TBX6: variants seen among roughly 807,000 people sequenced by gnomAD.
TBX6 encodes T-box transcription factor TBX6.
TBX6 carries 29 observed loss-of-function variants against 42.3 expected under a neutral mutation model. The observed-to-expected ratio is 0.69, with a 90% confidence interval of 0.51 to 0.93. TBX6 has a LOEUF of 0.93. Among genes scored for constraint, TBX6 ranks in the 40% least tolerant of loss-of-function variants. TBX6 has a pLI of 0.00. For missense variants in TBX6, 569 were observed against 603.3 expected (o/e 0.94, Z 0.59); for synonymous variants, 249 against 245.1 (o/e 1.02, Z -0.15).
chr16:30,086,621 G>C lies in TBX6; in HGVS notation c.988C>G (p.Pro330Ala). ...GCCGGGGCAGCGGTGGCTTCCCCGGGGGCTGGGGCCTGTTCTGGATCTGAT... is the reference window on the plus strand; with the variant it reads ...GCCGGGGCAGCGGTGGCTTCCCCGGCGGCTGGGGCCTGTTCTGGATCTGAT... ...RESDPEQAPA[P>A]GEATAAPAPL... The change falls in exon 8 of 9, where the codon CCC becomes GCC. Residue 330 changes from proline to alanine, a missense_variant. Pro to Ala is a conservative substitution (Grantham distance 27, BLOSUM62 -1). Coordinates refer to ENST00000395224, the MANE Select transcript of TBX6 (RefSeq NM_004608.4). This position sits in a 1 kb window ranked among gnomAD's most constrained non-coding sequence, Gnocchi z 4.6. 4 of 1,596,752 alleles carry C rather than the reference G, an allele frequency of 2.5e-6. No individual in the cohort carries two copies. Among genetic ancestry groups the C allele is most frequent in the Non-Finnish European group, 2.6e-6 (3 of 1,173,902 alleles).
chr16:30,089,303 A>T, intron 3 of TBX6, 93 bp from the exon 4 acceptor site: 3 of 1,476,324 alleles, frequency 2.0e-6, no homozygotes, highest in Non-Finnish European at 2.7e-6. Flanking sequence ...CGGGCTCCCC[A>T]GAGCTGTCAG....
chr16:30,086,010 A>AAGCCT lies in TBX6; in HGVS notation c.*214_*215insAGGCT. The AAGCCT allele has an allele frequency of 1.8e-6, 1 of 541,406 alleles. No individual in the cohort carries two copies. Among genetic ancestry groups the AAGCCT allele is most frequent in the Non-Finnish European group, 3.2e-6 (1 of 310,700 alleles). 33.5% of individuals were successfully genotyped at this position (541,406 alleles called of 1,614,324 possible). ...CACGGAGGTGAGAGCCGGGAAGGGG[A>AAGCCT]AGCCGGCCCCAGCTGGACTCCCAGC... On this transcript the variant is annotated 3_prime_UTR_variant, in exon 9 of 9. Coordinates refer to ENST00000395224, the MANE Select transcript of TBX6 (RefSeq NM_004608.4). The surrounding 1 kb of genome is among the most constrained non-coding windows in gnomAD (Gnocchi z 4.6).
chr16:30,089,573 T>C (rs1040871403), intron 3 of TBX6, among the ~76,000 whole-genome samples: 1 of 151,918 alleles, frequency 6.6e-6, no homozygotes, highest in Non-Finnish European at 1.5e-5. Flanking sequence ...AAGTCAAGAC[T>C]ACAGTGAGCC....
intron 3 of TBX6, 64 bp downstream of exon 3, chr16:30,090,694 C>A: frequency 3.3e-6 from 5 of 1,518,098 alleles, no homozygotes; most frequent in South Asian, 1.3e-5. Context: ...TAGCCCCCTC[C>A]CCAGGGACTC....
chr16:30,088,492 G>A lies in TBX6; in HGVS notation c.839+53C>T, dbSNP rs188257188. 1,809 of 1,611,774 alleles carry A rather than the reference G, an allele frequency of 1.1e-3. 25 individuals are homozygous for A. In the African/African-American group the frequency reaches 0.022, roughly 19 times the overall value. On this transcript the variant is annotated intron_variant, in intron 6 of 8. Transcript: ENST00000395224. This position sits in a 1 kb window ranked among gnomAD's most constrained non-coding sequence, Gnocchi z 4.1. ...CAGCACGGTGCCTGGCACACAGTGAGTGATTAATAAACATTTGTTGAATGC... is the reference window on the plus strand; with the variant it reads ...CAGCACGGTGCCTGGCACACAGTGAATGATTAATAAACATTTGTTGAATGC...
chr16:30,088,187 C>T lies in TBX6; in HGVS notation c.839+358G>A. ...TCCTGGCCTCAGGTGATCTGCCCGCCTCAGCCTCCCAGAGTGCTGGGATTA... is the reference window on the plus strand; with the variant it reads ...TCCTGGCCTCAGGTGATCTGCCCGCTTCAGCCTCCCAGAGTGCTGGGATTA... On this transcript the variant is annotated intron_variant, in intron 6 of 8. Transcript: ENST00000395224. This position sits in a 1 kb window ranked among gnomAD's most constrained non-coding sequence, Gnocchi z 4.1. 1 of 307,488 alleles carries T rather than the reference C, an allele frequency of 3.3e-6. No individual in the cohort carries two copies. Among genetic ancestry groups the T allele is most frequent in the African/African-American group, 2.2e-5 (1 of 45,850 alleles). The allele number at this position is 307,488 out of a possible 1,614,324, so 19.0% of individuals were successfully genotyped here.
At position 30,091,150 on chromosome 16, in the gene TBX6, TA is replaced by T. The variant is rs753958620; in HGVS notation, c.43del (p.Tyr15ThrfsTer18). On this transcript the variant is annotated frameshift_variant, in exon 2 of 9. Coordinates refer to ENST00000395224, the MANE Select transcript of TBX6 (RefSeq NM_004608.4). LOFTEE classifies it high-confidence loss of function. ...CCCAGGTTGGGCGGGCCCCAGGCGG[TA>T]GCCGGCCCCCAGGGACGGGTACAAT... ...RELYPSLGAG[Y>X]RLGPAQPGAD... 1 of 1,595,226 alleles carries T rather than the reference TA, an allele frequency of 6.3e-7. No individual in the cohort carries two copies. The highest frequency in any genetic ancestry group is 1.8e-5 in the Admixed American group (1 of 56,270).
At position 30,088,663 on chromosome 16, in the gene TBX6, G is replaced by A; in HGVS notation, c.768+30C>T. ...AAAGCAACTGCGGTCTGGGCAGGGG[G>A]CCACCACCCCCTCAAGCAGGGTCAC... is the stretch of plus-strand genomic sequence containing the variant. On this transcript the variant is annotated intron_variant, in intron 5 of 8. Transcript: ENST00000395224. This position sits in a 1 kb window ranked among gnomAD's most constrained non-coding sequence, Gnocchi z 4.1. 1 of 1,614,110 alleles carries A rather than the reference G, an allele frequency of 6.2e-7. No homozygotes were observed. The highest frequency in any genetic ancestry group is 8.5e-7 in the Non-Finnish European group (1 of 1,180,006).
chr16:30,088,578 T>C lies in TBX6; in HGVS notation c.806A>G (p.Lys269Arg). 1.2e-6 allele frequency: 2 copies of C among 1,614,168 alleles called. No individual in the cohort carries two copies. Among genetic ancestry groups the C allele is most frequent in the Non-Finnish European group, 1.7e-6 (2 of 1,180,030 alleles). ...GTTTCTGCCGTTCTCCCGGAAGCCT[T>C]TGGCAAAGGGATTGGCTGCAATCTT... Reference protein sequence around the residue: ...QLKIAANPFAKGFRENGRNCK... With the variant: ...QLKIAANPFARGFRENGRNCK... The change falls in exon 6 of 9, where the codon AAA becomes AGA. Residue 269 changes from lysine to arginine, a missense_variant. Transcript: ENST00000395224. The surrounding 1 kb of genome is among the most constrained non-coding windows in gnomAD (Gnocchi z 4.1).
Position 30,086,088 on chromosome 16 carries a change from G to C in TBX6, c.*137C>G, listed in dbSNP as rs555375607. ...GGGGGTGGGAGTGAAATCAAGGTGT[G>C]AAGTTGAGGGGGTGGGTGGGCAGGC... On this transcript the variant is annotated 3_prime_UTR_variant, in exon 9 of 9. Transcript: ENST00000395224. The surrounding 1 kb of genome is among the most constrained non-coding windows in gnomAD (Gnocchi z 4.6). 1.3e-4 allele frequency: 97 copies of C among 775,746 alleles called. No homozygotes were observed. The highest frequency in any genetic ancestry group is 1.8e-4 in the Non-Finnish European group (87 of 495,728). 48.1% of individuals were successfully genotyped at this position (775,746 alleles called of 1,614,324 possible). A position where few individuals can be genotyped will look rare whatever the true frequency, so the allele number is the denominator to read the frequency against.
At position 30,086,239 on chromosome 16, in the gene TBX6, T is replaced by G. The variant is rs746202415; in HGVS notation, c.1297A>C (p.Lys433Gln). ...CCAGCAGTGGTTCAGTACATGGGTTTGGAGCCCACATCCAGATAGCCCCCA... is the reference window on the plus strand; with the variant it reads ...CCAGCAGTGGTTCAGTACATGGGTTGGGAGCCCACATCCAGATAGCCCCCA... ...APGGYLDVGS[K>Q]PMY Residue 433 changes from lysine to glutamine, a missense_variant, in exon 9 of 9, where the codon AAA becomes CAA. Coordinates refer to ENST00000395224, the MANE Select transcript of TBX6 (RefSeq NM_004608.4). This position sits in a 1 kb window ranked among gnomAD's most constrained non-coding sequence, Gnocchi z 4.6. 23 of 1,611,584 alleles carry G rather than the reference T, an allele frequency of 1.4e-5. No homozygotes were observed. Among genetic ancestry groups the G allele is most frequent in the Middle Eastern group, 2.1e-4 (1 of 4,744 alleles).
In TBX6 at chr16:30,086,707, G is replaced by C. The variant is rs780276800; in HGVS notation, c.914-12C>G. 3 of 1,612,820 alleles carry C rather than the reference G, an allele frequency of 1.9e-6. 1 individual carries two copies. Among genetic ancestry groups the C allele is most frequent in the South Asian group, 2.2e-5 (2 of 90,964 alleles). Reference sequence around the variant, plus strand: ...ACCACCTGGTGTGTCTGGGGAGAGGGAAGGGAGAGGTTGGGCTAGGGAGGA... The same window carrying C: ...ACCACCTGGTGTGTCTGGGGAGAGGCAAGGGAGAGGTTGGGCTAGGGAGGA... On this transcript the variant is annotated splice_polypyrimidine_tract_variant and intron_variant, in intron 7 of 8. Coordinates refer to ENST00000395224, the MANE Select transcript of TBX6 (RefSeq NM_004608.4). The surrounding 1 kb of genome is among the most constrained non-coding windows in gnomAD (Gnocchi z 4.6).
chr16:30,086,838 G>A lies in TBX6; in HGVS notation c.853C>T (p.Arg285Cys), dbSNP rs144665805. The A allele has an allele frequency of 6.2e-6, 10 of 1,612,594 alleles. No individual in the cohort carries two copies. The highest frequency in any genetic ancestry group is 2.2e-5 in the South Asian group (2 of 90,872). ...GRNCKRERDA[R>C]VKRKLRGPEP... ...GGGCCCCGCAGTTTCCTCTTCACACGGGCGTCTCGCTCCCTGGGGAACAGT... is the reference window on the plus strand; with the variant it reads ...GGGCCCCGCAGTTTCCTCTTCACACAGGCGTCTCGCTCCCTGGGGAACAGT... The change falls in exon 7 of 9, where the codon CGT (arginine) becomes TGT (cysteine). Residue 285 changes from arginine to cysteine, a missense_variant. By Grantham distance (180) the Arg-to-Cys change is radical. This residue lies in a region of TBX6 where 245 missense variants were observed against 227.4 expected (regional missense o/e 1.08). Coordinates refer to ENST00000395224, the MANE Select transcript of TBX6 (RefSeq NM_004608.4). The surrounding 1 kb of genome is among the most constrained non-coding windows in gnomAD (Gnocchi z 4.6).
At position 30,089,218 on chromosome 16, in the gene TBX6, A is replaced by G. The variant is rs2072687341; in HGVS notation, c.354-8T>C. ...CAGGCAGGGAACATGCGCCTGTGCA[A>G]GGGAGGGGACAGGAGAGGCCTGGAG... is the stretch of plus-strand genomic sequence containing the variant. On this transcript the variant is annotated splice_polypyrimidine_tract_variant and splice_region_variant and intron_variant, in intron 3 of 8. Coordinates refer to ENST00000395224, the MANE Select transcript of TBX6 (RefSeq NM_004608.4). 2 of 1,611,446 alleles carry G rather than the reference A, an allele frequency of 1.2e-6. No individual in the cohort carries two copies. Among genetic ancestry groups the G allele is most frequent in the East Asian group, 2.2e-5 (1 of 44,838 alleles).
At chr16:30,089,993 C>T (rs1244338634) in intron 3 of TBX6, among the ~76,000 whole-genome samples, 1 of 149,204 alleles carries the variant, frequency 6.7e-6, no homozygotes, top group African/African-American at 2.5e-5. Context: ...GGAAGGTTTT[C>T]TTGTCTCATT....
Position 30,088,756 on chromosome 16 carries a change from G to T in TBX6, c.705C>A (p.Gly235=), listed in dbSNP as rs758894094. Residue 235 remains glycine, a synonymous_variant, in exon 5 of 9, where the codon GGC becomes GGA. Coordinates refer to ENST00000395224, the MANE Select transcript of TBX6 (RefSeq NM_004608.4). The surrounding 1 kb of genome is among the most constrained non-coding windows in gnomAD (Gnocchi z 4.1). ...TCTCGGGGAAGCGGAAGGAGGCCAT[G>T]CCCCCCCAGTGCTGGCTGCAGAGCT... is the stretch of plus-strand genomic sequence containing the variant. ...AAQLCSQHWG[G]MASFRFPETT... is the part of the protein sequence containing the mutation. The T allele has an allele frequency of 6.2e-7, 1 of 1,613,968 alleles. No homozygotes were observed. The highest frequency in any genetic ancestry group is 1.1e-5 in the South Asian group (1 of 91,078).
chr16:30,089,353 G>A, intron 3 of TBX6, 143 bp from the exon 4 acceptor site: 1 of 1,123,034 alleles, frequency 8.9e-7, no homozygotes, highest in Non-Finnish European at 1.2e-6. Context: ...CCAGAGGGCA[G>A]GCTGGAGGCT....
rs866891037 is a variant in TBX6, at chr16:30,090,938, C to A, written c.173G>T (p.Arg58Leu). The A allele has an allele frequency of 5.6e-6, 9 of 1,612,706 alleles. No homozygotes were observed. The East Asian group carries it at 1.6e-4, about 28-fold the overall frequency. ...CFLSGMEAAP[R>L]TLAAHPPLPL... is the part of the protein sequence containing the mutation. ...CAGAGGTGGGTGCGCGGCCAGGGTG[C>A]GGGGAGCAGCCTCCATCCCGGAGAG... The change falls in exon 3 of 9, where the codon CGC becomes CTC. Residue 58 changes from arginine (R) to leucine (L), a missense_variant. Coordinates refer to ENST00000395224, the MANE Select transcript of TBX6 (RefSeq NM_004608.4).
rs778894075 is a variant in TBX6 at position 30,086,625 on chromosome 16, T to C, written c.984A>G (p.Pro328=). The C allele has an allele frequency of 4.4e-6, 7 of 1,599,388 alleles. No homozygotes were observed. The South Asian group carries it at 5.6e-5, about 13-fold the overall frequency. Residue 328 remains proline (P), a synonymous_variant, in exon 8 of 9, where the codon CCA becomes CCG. Transcript: ENST00000395224. The surrounding 1 kb of genome is among the most constrained non-coding windows in gnomAD (Gnocchi z 4.6). The part of the protein sequence containing the change: ...DIRESDPEQA[P]APGEATAAPA... Reference sequence around the variant, plus strand: ...GGGCAGCGGTGGCTTCCCCGGGGGCTGGGGCCTGTTCTGGATCTGATTCAC... The same window carrying C: ...GGGCAGCGGTGGCTTCCCCGGGGGCCGGGGCCTGTTCTGGATCTGATTCAC...
Sources: gnomAD v4.1 joint callset for allele counts (sites outside exome capture counted in the v4.1 genomes callset) on GRCh38, gnomAD v4.1.1 for gene constraint, gnomAD v4.1.1 regional missense constraint, Gnocchi (gnomAD v3.1) non-coding constraint, MANE v1.5 for transcripts, NCBI Gene and HGNC (gene_info 2026-07-23, HGNC 2026-07-21) for gene names.